Variants in MVB12B observed in about 807,000 individuals in gnomAD.
The protein encoded by MVB12B is ESCRT-I complex subunit MVB12B.
MVB12B carries 16 observed loss-of-function variants against 41.6 expected under a neutral mutation model. That is an observed-to-expected ratio of 0.38 (90% CI 0.26 to 0.58). The LOEUF is 0.58. Ranked by LOEUF, MVB12B falls within the 20% of genes least tolerant of loss-of-function variation. The pLI, the probability that MVB12B is intolerant of heterozygous loss-of-function variation, is 0.62. For missense variants in MVB12B, 274 were observed against 380.2 expected (o/e 0.72, Z 2.32); for synonymous variants, 133 against 139.7 (o/e 0.95, Z 0.34).
chr9:126,397,236 G>A, intron 6 of MVB12B: 1 of 985,494 alleles, frequency 1.0e-6, no homozygotes, highest in East Asian at 1.1e-4. Context: ...CCTCAGGCAG[G>A]TTTTGACTTT....
chr9:126,450,498 C>G (rs577497747), intron 7 of MVB12B, among the ~76,000 whole-genome samples: 5 of 152,334 alleles, frequency 3.3e-5, no homozygotes, highest in Admixed American at 3.3e-4. Context: ...TACTCCCTCC[C>G]CGGCCCTGCT....
Position 126,376,733 on chromosome 9 carries a change from C to T in MVB12B, c.205-4331C>T. The T allele has an allele frequency of 8.0e-7, 1 of 1,242,770 alleles. No individual in the cohort carries two copies. The highest frequency in any genetic ancestry group is 1.0e-6 in the Non-Finnish European group (1 of 962,266). 77.0% of individuals were successfully genotyped at this position (1,242,770 alleles called of 1,614,324 possible). A position where few individuals can be genotyped will look rare whatever the true frequency, so the allele number is the denominator to read the frequency against. ...TCTGAAGTTGCACCTCCTCCCCCAC[C>T]TCCTCCTGACCTCCAGCCTCCTTCC... is the stretch of plus-strand genomic sequence containing the variant. On this transcript the variant is annotated intron_variant, in intron 2 of 9. Transcript: ENST00000361171. This position sits in a 1 kb window ranked among gnomAD's most constrained non-coding sequence, Gnocchi z 4.1.
At chr9:126,441,225 G>A (rs189816620) in intron 7 of MVB12B, among the ~76,000 whole-genome samples, 195 of 152,326 alleles carry the variant, frequency 1.3e-3, no homozygotes, top group Non-Finnish European at 2.1e-3. Flanking sequence ...TTAAGACACA[G>A]CTATTTCCAG....
In MVB12B at chr9:126,453,801, T is replaced by A. The variant is rs113636446; in HGVS notation, c.758-27568T>A. ...CATGCATATGTGCACACATGACACG[T>A]GTGCATGCTCACATGTGTGCACACA... On this transcript the variant is annotated intron_variant, in intron 7 of 9. Transcript: ENST00000361171. 3.9e-3 allele frequency among the ~76,000 whole-genome samples: 589 copies of A among 152,324 alleles called. 3 individuals carry two copies. Among genetic ancestry groups the A allele is most frequent in the African/African-American group, 0.014 (567 of 41,586 alleles).
At position 126,480,382 on chromosome 9, in the gene MVB12B, C is replaced by G. The variant is rs1833501913; in HGVS notation, c.758-987C>G. Among the ~76,000 whole-genome samples, 1 of 152,216 alleles carries G rather than the reference C, an allele frequency of 6.6e-6. No individual in the cohort carries two copies. Among genetic ancestry groups the G allele is most frequent in the Non-Finnish European group, 1.5e-5 (1 of 68,040 alleles). Reference sequence around the variant, plus strand: ...GGCATCACGTCTCGTCCAGTGTGACCTGTTCCTCAATGTGGCAGGATTTCC... The same window carrying G: ...GGCATCACGTCTCGTCCAGTGTGACGTGTTCCTCAATGTGGCAGGATTTCC... On this transcript the variant is annotated intron_variant, in intron 7 of 9. Transcript: ENST00000361171. This position sits in a 1 kb window ranked among gnomAD's most constrained non-coding sequence, Gnocchi z 4.9.
At chr9:126,328,340 C>A (rs1829038886) in intron 1 of MVB12B, among the ~76,000 whole-genome samples, 1 of 152,082 alleles carries the variant, frequency 6.6e-6, no homozygotes, top group Non-Finnish European at 1.5e-5. Flanking sequence ...CTTCTGTAAT[C>A]CATATTTTTC....
intron 2 of MVB12B, among the ~76,000 whole-genome samples, chr9:126,379,020 C>T (rs527527964): frequency 6.6e-6 from 1 of 152,170 alleles, no homozygotes; most frequent in African/African-American, 2.4e-5. Context: ...CTTCTAGACG[C>T]CCTTGTCTCT....
rs929315014 is a variant in MVB12B at position 126,481,302 on chromosome 9, A to G, written c.758-67A>G. 3 of 1,299,034 alleles carry G rather than the reference A, an allele frequency of 2.3e-6. No homozygotes were observed. The African/African-American group carries it at 4.4e-5, about 19-fold the overall frequency. The allele number at this position is 1,299,034 out of a possible 1,614,324, so 80.5% of individuals were successfully genotyped here. ...TCATATTCTCTGTTTCGACATCTTC[A>G]GTTGCTGGACAACTAAATGCCATCT... On this transcript the variant is annotated intron_variant, in intron 7 of 9. Transcript: ENST00000361171.
chr9:126,481,723 G>C (rs758486564), intron 8 of MVB12B, among the ~76,000 whole-genome samples: 10 of 152,236 alleles, frequency 6.6e-5, no homozygotes, highest in Non-Finnish European at 1.3e-4. Context: ...AAAGTAGCAA[G>C]AGGCTGTCAG....
chr9:126,500,375 G>A (rs1422120145), intron 9 of MVB12B, among the ~76,000 whole-genome samples: 3 of 152,094 alleles, frequency 2.0e-5, no homozygotes, highest in Non-Finnish European at 4.4e-5. Context: ...TCCAAGCCAT[G>A]TCCCACCCCC....
chr9:126,386,362 G>A lies in MVB12B; in HGVS notation c.313-200G>A, dbSNP rs539248311. 1.5e-4 allele frequency among the ~76,000 whole-genome samples: 23 copies of A among 152,242 alleles called. No individual in the cohort carries two copies. Among genetic ancestry groups the A allele is most frequent in the East Asian group, 1.4e-3 (7 of 5,178 alleles). The stretch of plus-strand genomic sequence containing the variant: ...CTGAGTTGAGTGGCTTTGAGGTTCC[G>A]CAGATGAAACTCCTTCCCAGGGGCC... On this transcript the variant is annotated intron_variant, in intron 3 of 9. Coordinates refer to ENST00000361171, the MANE Select transcript of MVB12B (RefSeq NM_033446.3). The surrounding 1 kb of genome is among the most constrained non-coding windows in gnomAD (Gnocchi z 4.3).
intron 6 of MVB12B, among the ~76,000 whole-genome samples, chr9:126,405,755 G>A (rs1407973850): frequency 6.6e-6 from 1 of 151,760 alleles, no homozygotes; most frequent in Admixed American, 6.6e-5. Flanking sequence ...GTTTTTGCCA[G>A]TGGGTAGGGT....
chr9:126,354,878 C>T (rs534763180), intron 2 of MVB12B, among the ~76,000 whole-genome samples: 46 of 152,274 alleles, frequency 3.0e-4, no homozygotes, highest in African/African-American at 1.1e-3. Context: ...AGCCTGACTA[C>T]CTCAGGATAA....
At chr9:126,462,406 C>G (rs1018470713) in intron 7 of MVB12B, among the ~76,000 whole-genome samples, 4 of 152,172 alleles carry the variant, frequency 2.6e-5, no homozygotes, top group Non-Finnish European at 5.9e-5. Flanking sequence ...AGCGGCCATT[C>G]CAAGACACCA....
At chr9:126,500,882 C>T (rs1833941471) in intron 9 of MVB12B, among the ~76,000 whole-genome samples, 1 of 152,262 alleles carries the variant, frequency 6.6e-6, no homozygotes, top group Non-Finnish European at 1.5e-5. Context: ...CCGGTGATCC[C>T]CACGCCCCGT....
chr9:126,328,566 A>G (rs1333149242), intron 1 of MVB12B, among the ~76,000 whole-genome samples: 1 of 152,172 alleles, frequency 6.6e-6, no homozygotes, highest in Non-Finnish European at 1.5e-5. Flanking sequence ...TCTGAGTTTC[A>G]GTTTCCTCAT....
chr9:126,335,146 C>A, intron 1 of MVB12B: 2 of 958,134 alleles, frequency 2.1e-6, no homozygotes, highest in Non-Finnish European at 2.7e-6. Context: ...CCTTAGTTGC[C>A]CAACAACTTA....
intron 7 of MVB12B, among the ~76,000 whole-genome samples, chr9:126,446,175 A>T (rs901167342): frequency 1.3e-5 from 2 of 152,022 alleles, no homozygotes; most frequent in African/African-American, 2.4e-5. Context: ...TCAGGCACTA[A>T]TTTGAGTTTC....
intron 2 of MVB12B, among the ~76,000 whole-genome samples, chr9:126,352,264 A>G (rs982013863): frequency 6.6e-6 from 1 of 152,132 alleles, no homozygotes. Flanking sequence ...AAAGTGTTCC[A>G]TCCTCTTCTG....
Sources: gnomAD v4.1 joint callset for allele counts (sites outside exome capture counted in the v4.1 genomes callset) on GRCh38, gnomAD v4.1.1 for gene constraint, Gnocchi (gnomAD v3.1) non-coding constraint, MANE v1.5 for transcripts, NCBI Gene and HGNC (gene_info 2026-07-23, HGNC 2026-07-21) for gene names.